SQSTM1: variants seen among roughly 807,000 people sequenced by gnomAD.
The protein encoded by SQSTM1 is sequestosome 1, also known as sequestosome-1.
A neutral mutation model predicts 45.1 loss-of-function variants in SQSTM1; 36 were observed. The ratio of observed to expected loss-of-function variants is 0.80; its 90% confidence interval spans 0.61 to 1.05. The LOEUF (loss-of-function observed/expected upper bound fraction) is 1.05, where lower values mean the gene tolerates loss of function less well. Among genes scored for constraint, SQSTM1 ranks in the 50% least tolerant of loss-of-function variants. SQSTM1 has a pLI of 0.00. For missense variants in SQSTM1, 617 were observed against 607.1 expected, an observed-to-expected ratio of 1.02 and a Z score of -0.17; for synonymous variants, 290 against 244.3, an observed-to-expected ratio of 1.19 and a Z score of -1.74.
chr5:179,836,309 G>T (rs1201833117), intron 7 of SQSTM1, 127 bp from the exon 8 acceptor site: 1 of 1,289,712 alleles, frequency 7.8e-7, no homozygotes, highest in Non-Finnish European at 1.1e-6. Context: ...CTGTGAGGAC[G>T]AGAGCTCTGG....
At chr5:179,817,275 A>G (rs1435535805), upstream of SQSTM1, among the ~76,000 whole-genome samples, 1 of 152,128 alleles carries the variant, frequency 6.6e-6, no homozygotes, top group Non-Finnish European at 1.5e-5. Flanking sequence ...CTTTCTGGGG[A>G]CCAGGGCTGT....
chr5:179,836,413 TGGCTTCCTTA>T lies in SQSTM1; in HGVS notation c.1166-22_1166-13del. On this transcript the variant is annotated splice_polypyrimidine_tract_variant and intron_variant, in intron 7 of 7. Transcript: ENST00000389805. ...TCACAGGGCTCAGCACCACTCCTCA[TGGCTTCCTTA>T]CTGTTTCGGCAGAGGCTGACCCGCG... is the stretch of plus-strand genomic sequence containing the variant. 1 of 1,614,190 alleles carries T rather than the reference TGGCTTCCTTA, an allele frequency of 6.2e-7. No individual in the cohort carries two copies. The highest frequency in any genetic ancestry group is 1.1e-5 in the South Asian group (1 of 91,086).
At chr5:179,807,200 C>G (rs894677630) in intron 1 of SQSTM1, 1 of 152,802 alleles carries the variant, frequency 6.5e-6, no homozygotes, top group Non-Finnish European at 1.5e-5. Flanking sequence ...TCCGGGACCC[C>G]GGTACCCTTC....
intron 1 of SQSTM1, 48 bp downstream of exon 1, chr5:179,821,189 G>A: frequency 7.6e-7 from 1 of 1,319,936 alleles, no homozygotes; most frequent in Non-Finnish European, 9.6e-7. Context: ...GCCGGACACG[G>A]CCTCCTGCCG....
At chr5:179,828,428 C>G (rs1214395158) in intron 5 of SQSTM1, among the ~76,000 whole-genome samples, 1 of 130,268 alleles carries the variant, frequency 7.7e-6, no homozygotes, top group African/African-American at 3.0e-5. Context: ...GGCTGGAGTG[C>G]AATGGTGTGA....
chr5:179,827,364 C>T (rs1383358103), intron 5 of SQSTM1, among the ~76,000 whole-genome samples: 1 of 152,156 alleles, frequency 6.6e-6, no homozygotes, highest in Non-Finnish European at 1.5e-5. Context: ...TGCAGTGGCA[C>T]GATCTTGGCT....
intron 6 of SQSTM1, 105 bp downstream of exon 6, chr5:179,833,351 C>T: frequency 8.5e-7 from 1 of 1,172,982 alleles, no homozygotes; most frequent in Non-Finnish European, 1.2e-6. Context: ...ACTTACAAAC[C>T]CGAGGGAGCT....
chr5:179,832,836 G>A (rs1425000689), intron 5 of SQSTM1, among the ~76,000 whole-genome samples, 196 bp from the exon 6 acceptor site: 1 of 152,138 alleles, frequency 6.6e-6, no homozygotes, highest in Non-Finnish European at 1.5e-5. Context: ...TACTGGCTGT[G>A]TGATTGCGGG....
intron 1 of SQSTM1, 160 bp from the exon 2 acceptor site, chr5:179,822,798 G>A (rs1757831911): frequency 1.4e-6 from 1 of 710,788 alleles, no homozygotes; most frequent in Non-Finnish European, 2.6e-6. Flanking sequence ...CAGAGCAAGG[G>A]GGTAGTCTTG....
At chr5:179,819,978 C>T (rs540169427), upstream of SQSTM1, 1 of 152,606 alleles carries the variant, frequency 6.6e-6, no homozygotes, top group African/African-American at 2.4e-5. Flanking sequence ...CAGGTTCTGA[C>T]CTCCTACTCA....
upstream of SQSTM1, among the ~76,000 whole-genome samples, chr5:179,817,360 C>T (rs1757615603): frequency 6.6e-6 from 1 of 152,202 alleles, no homozygotes; most frequent in Admixed American, 6.5e-5. Flanking sequence ...TTCCCCACTC[C>T]GCGGTTGACG....
At chr5:179,834,237 G>GC (rs1491233005) in intron 7 of SQSTM1, among the ~76,000 whole-genome samples, 4 of 84,136 alleles carry the variant, frequency 4.8e-5, no homozygotes, top group African/African-American at 1.3e-4. Context: ...AGGCAGCAGT[G>GC]GGGGGGTGGG....
intron 5 of SQSTM1, 86 bp from the exon 6 acceptor site, chr5:179,832,946 T>C (rs1758304015): frequency 1.5e-6 from 2 of 1,340,242 alleles, no homozygotes. Context: ...TCTTCGTGAG[T>C]CTGTAGTCTC....
Position 179,824,007 on chromosome 5 carries a change from T to G in SQSTM1, c.451T>G (p.Cys151Gly), listed in dbSNP as rs1166729262. The G allele has an allele frequency of 5.0e-6, 8 of 1,613,862 alleles. No homozygotes were observed. Among genetic ancestry groups the G allele is most frequent in the Non-Finnish European group, 6.8e-6 (8 of 1,180,036 alleles). The change falls in exon 3 of 8, where the codon TGT (cysteine) becomes GGT (glycine). Residue 151 changes from cysteine (C) to glycine (G), a missense_variant. Coordinates refer to ENST00000389805, the MANE Select transcript of SQSTM1 (RefSeq NM_003900.5). Reference sequence around the variant, plus strand: ...CAGCGTCTGCCCAGACTACGACTTGTGTAGCGTCTGCGAGGGAAAGGGCTT... The same window carrying G: ...CAGCGTCTGCCCAGACTACGACTTGGGTAGCGTCTGCGAGGGAAAGGGCTT... ...KCSVCPDYDL[C>G]SVCEGKGLHR...
rs1758663096 is a variant in SQSTM1, at chr5:179,837,708, T to G, written c.*1115T>G. The G allele has an allele frequency of 6.2e-7, 1 of 1,614,102 alleles. No individual in the cohort carries two copies. The highest frequency in any genetic ancestry group is 1.7e-5 in the Admixed American group (1 of 60,010). On this transcript the variant is annotated 3_prime_UTR_variant, in exon 8 of 8. Coordinates refer to ENST00000389805, the MANE Select transcript of SQSTM1 (RefSeq NM_003900.5). ...GGCTGCTCACTGTCCACATGTGAAC[T>G]TTTTCTAGGTGGCAGGACAAATTGC...
chr5:179,831,765 G>A (rs1326767779), intron 5 of SQSTM1, among the ~76,000 whole-genome samples: 2 of 151,078 alleles, frequency 1.3e-5, no homozygotes, highest in East Asian at 2.0e-4. Flanking sequence ...TTTAGATAGA[G>A]GTCCTAGCTG....
At chr5:179,832,187 C>G (rs1191214071) in intron 5 of SQSTM1, among the ~76,000 whole-genome samples, 2 of 152,210 alleles carry the variant, frequency 1.3e-5, no homozygotes, top group East Asian at 3.9e-4. Flanking sequence ...ACTCCAGCAG[C>G]AGGCAAGAGC....
At chr5:179,834,154 AGAGG>A (rs1480383007) in intron 7 of SQSTM1, among the ~76,000 whole-genome samples, 1 of 55,596 alleles carries the variant, frequency 1.8e-5, no homozygotes, top group Non-Finnish European at 3.1e-5. Flanking sequence ...TGCTGGTCTG[AGAGG>A]GGGGGGGGTC....
chr5:179,836,580 C>T lies in SQSTM1; in HGVS notation c.1310C>T (p.Pro437Leu). Reference sequence around the variant, plus strand: ...GACACCATCCAGTATTCAAAGCATCCCCCGCCGTTGTGACCACTTTTGCCC... The same window carrying T: ...GACACCATCCAGTATTCAAAGCATCTCCCGCCGTTGTGACCACTTTTGCCC... The part of the protein sequence containing the change: ...ALDTIQYSKH[P>L]PPL Residue 437 changes from proline to leucine, a missense_variant, in exon 8 of 8, where the codon CCC (proline) becomes CTC (leucine). By Grantham distance (98) the Pro-to-Leu change is moderately conservative. Coordinates refer to ENST00000389805, the MANE Select transcript of SQSTM1 (RefSeq NM_003900.5). The T allele has an allele frequency of 3.1e-6, 5 of 1,614,154 alleles. No homozygotes were observed. Among genetic ancestry groups the T allele is most frequent in the South Asian group, 1.1e-5 (1 of 91,080 alleles).
Sources: allele counts gnomAD v4.1 joint callset (sites outside exome capture counted in the v4.1 genomes callset), GRCh38; gene constraint gnomAD v4.1.1; transcripts MANE v1.5; gene names NCBI Gene and HGNC (gene_info 2026-07-23, HGNC 2026-07-21).